Variants in YAF2 observed in about 807,000 individuals in gnomAD.
YAF2 encodes YY1 associated factor 2.
A neutral mutation model predicts 20.1 loss-of-function variants in YAF2; 7 were observed. The observed-to-expected ratio is 0.35, with a 90% CI of 0.20 to 0.65. The LOEUF is 0.65. YAF2 is among the 30% of genes least tolerant of loss of function. YAF2 has a pLI of 0.69. For missense variants in YAF2, 151 were observed against 219.2 expected (o/e 0.69, Z 1.96); for synonymous variants, 74 against 76.0 (o/e 0.97, Z 0.14).
chr12:42,217,437 GA>G (rs1282852384), intron 2 of YAF2, among the ~76,000 whole-genome samples: 6 of 152,022 alleles, frequency 3.9e-5, no homozygotes, highest in African/African-American at 1.4e-4. Context: ...ACAAAATTAT[GA>G]AATTATATAA....
chr12:42,176,195 G>C (rs148031733), intron 2 of YAF2, among the ~76,000 whole-genome samples: 2 of 149,246 alleles, frequency 1.3e-5, no homozygotes, highest in African/African-American at 5.0e-5. Context: ...GCAAGTGACA[G>C]AGTGTGACTC....
At chr12:42,211,636 T>C (rs577494099) in intron 2 of YAF2, among the ~76,000 whole-genome samples, 2 of 148,952 alleles carry the variant, frequency 1.3e-5, no homozygotes, top group East Asian at 3.9e-4. Context: ...TCCCAGCTAT[T>C]AGGGAGGCTG....
At chr12:42,209,809 GT>G (rs774540247) in intron 2 of YAF2, among the ~76,000 whole-genome samples, 2 of 151,954 alleles carry the variant, frequency 1.3e-5, no homozygotes, top group African/African-American at 2.4e-5. Context: ...ATAATTTTTT[GT>G]TTTTTGAGAC....
chr12:42,227,288 G>T (rs2067748422), intron 2 of YAF2, among the ~76,000 whole-genome samples: 1 of 78,540 alleles, frequency 1.3e-5, no homozygotes, highest in African/African-American at 1.0e-4. Flanking sequence ...GAGTGTCTCT[G>T]CCTGGCCGCC....
intron 2 of YAF2, chr12:42,210,607 A>T (rs1423693835): frequency 6.5e-7 from 1 of 1,536,000 alleles, no homozygotes; most frequent in South Asian, 1.2e-5. Flanking sequence ...CAATAACTTC[A>T]AACAATGTGG....
At chr12:42,225,963 T>C (rs973334506) in intron 2 of YAF2, among the ~76,000 whole-genome samples, 15 of 152,240 alleles carry the variant, frequency 9.9e-5, no homozygotes, top group African/African-American at 3.6e-4. Context: ...TAAATTACTT[T>C]GGGAAGTATG....
intron 2 of YAF2, among the ~76,000 whole-genome samples, chr12:42,162,227 T>C (rs945672354): frequency 7.2e-5 from 11 of 152,180 alleles, no homozygotes; most frequent in Non-Finnish European, 1.5e-4. Context: ...AAACATTTAT[T>C]ATCAAAATTT....
At chr12:42,172,144 G>C (rs1164232841) in intron 2 of YAF2, 3 of 152,110 alleles carry the variant, frequency 2.0e-5, no homozygotes, top group African/African-American at 7.2e-5. Flanking sequence ...ACTTACAAAT[G>C]ACAATCTTTT....
intron 2 of YAF2, among the ~76,000 whole-genome samples, chr12:42,174,783 A>C (rs2066138819): frequency 6.6e-6 from 1 of 152,234 alleles, no homozygotes; most frequent in East Asian, 1.9e-4. Context: ...TTTTAAAAAT[A>C]TGACTAGAAA....
chr12:42,223,063 C>T (rs920054733), intron 2 of YAF2, among the ~76,000 whole-genome samples: 3 of 151,754 alleles, frequency 2.0e-5, no homozygotes, highest in African/African-American at 7.3e-5. Context: ...ATATACACTT[C>T]CATTTGCTCA....
At chr12:42,200,885 G>GT (rs1439730384) in intron 2 of YAF2, among the ~76,000 whole-genome samples, 1 of 152,174 alleles carries the variant, frequency 6.6e-6, no homozygotes, top group African/African-American at 2.4e-5. Context: ...AGCTATGAGA[G>GT]TGAGTAGGTT....
chr12:42,235,992 C>G, intron 2 of YAF2: 1 of 1,536,096 alleles, frequency 6.5e-7, no homozygotes, highest in Non-Finnish European at 8.7e-7. Context: ...CCCTTCCTTG[C>G]TGTCCCTGCA....
chr12:42,189,951 T>C (rs765570169), intron 2 of YAF2, among the ~76,000 whole-genome samples: 1 of 152,216 alleles, frequency 6.6e-6, no homozygotes, highest in Non-Finnish European at 1.5e-5. Flanking sequence ...CAAAAGCAGC[T>C]ACGTTTAATT....
chr12:42,234,219 G>T, intron 2 of YAF2: 3 of 918,872 alleles, frequency 3.3e-6, no homozygotes, highest in Non-Finnish European at 3.9e-6. Context: ...GAAAAGAAAA[G>T]AAAAGAAAAG....
chr12:42,236,241 A>T (rs553844642), intron 2 of YAF2, among the ~76,000 whole-genome samples: 3 of 152,360 alleles, frequency 2.0e-5, no homozygotes, highest in African/African-American at 7.2e-5. Flanking sequence ...AACCTTACAC[A>T]GCCAAGAAGA....
chr12:42,196,256 G>A (rs932390200), intron 2 of YAF2, among the ~76,000 whole-genome samples: 46 of 150,360 alleles, frequency 3.1e-4, no homozygotes, highest in East Asian at 5.8e-4. Flanking sequence ...AAAAAAGAGC[G>A]GGAGGACAGG....
At chr12:42,184,654 T>C (rs2066425863) in intron 2 of YAF2, among the ~76,000 whole-genome samples, 1 of 152,190 alleles carries the variant, frequency 6.6e-6, no homozygotes, top group African/African-American at 2.4e-5. Flanking sequence ...AGGCTATAGC[T>C]GCCAGATAGT....
intron 2 of YAF2, among the ~76,000 whole-genome samples, chr12:42,205,211 T>C (rs1252928057): frequency 1.3e-5 from 2 of 152,048 alleles, no homozygotes; most frequent in Non-Finnish European, 2.9e-5. Flanking sequence ...ATATAAATTA[T>C]TAGCGATTTC....
intron 2 of YAF2, among the ~76,000 whole-genome samples, chr12:42,219,422 A>G (rs893803603): frequency 9.9e-5 from 15 of 152,218 alleles, no homozygotes; most frequent in Non-Finnish European, 2.1e-4. Context: ...CTGTGTACAG[A>G]TACTGGGAGC....
Sources: allele counts gnomAD v4.1 joint callset (sites outside exome capture counted in the v4.1 genomes callset), GRCh38; gene constraint gnomAD v4.1.1; transcripts MANE v1.5; gene names NCBI Gene and HGNC (gene_info 2026-07-23, HGNC 2026-07-21).